Variants in GPR158 observed in about 807,000 individuals in gnomAD.
The protein encoded by GPR158 is G protein-coupled receptor 158.
Under a neutral mutation model 78.2 loss-of-function variants are expected in GPR158, and 30 were observed. The ratio of observed to expected loss-of-function variants is 0.38; its 90% CI spans 0.29 to 0.52. The LOEUF (loss-of-function observed/expected upper bound fraction) is 0.52, where lower values mean the gene tolerates loss of function less well. GPR158 is among the 20% of genes least tolerant of loss of function. The pLI, the probability that GPR158 is intolerant of heterozygous loss-of-function variation, is 0.83. For synonymous variants in GPR158, 581 were observed against 591.1 expected (o/e 0.98, Z 0.25); for missense variants, 1,463 against 1,523.5 (o/e 0.96, Z 0.66).
chr10:25,381,789 AAAC>A (rs1479316924), intron 2 of GPR158, among the ~76,000 whole-genome samples: 9 of 152,182 alleles, frequency 5.9e-5, no homozygotes, highest in African/African-American at 1.7e-4. Context: ...TTTTTATTTT[AAAC>A]AACAATTTAT....
At position 25,598,293 on chromosome 10, in the gene GPR158, G is replaced by A. The variant is rs780025388; in HGVS notation, c.2667G>A (p.Lys889=). Residue 889 remains lysine (K), a synonymous_variant, in exon 11 of 11, where the codon AAG becomes AAA. Transcript: ENST00000376351. ...SASAHNLSSE[K]KTGHPRTSML... is the part of the protein sequence containing the mutation. ...GCGCTCACAACCTCAGCTCAGAGAA[G>A]AAAACTGGGCACCCACGAACATCGA... 1 of 1,614,092 alleles carries A rather than the reference G, an allele frequency of 6.2e-7. No individual in the cohort carries two copies. The highest frequency in any genetic ancestry group is 2.2e-5 in the East Asian group (1 of 44,866).
chr10:25,374,034 T>C (rs754025000), intron 2 of GPR158, among the ~76,000 whole-genome samples: 177 of 151,888 alleles, frequency 1.2e-3, no homozygotes, highest in Non-Finnish European at 1.7e-3. Flanking sequence ...AATCCCATAC[T>C]ATAATTGTGG....
rs989431134 is a variant in GPR158 at position 25,207,433 on chromosome 10, A to AT, written c.903-13614dup. 6.4e-4 allele frequency among the ~76,000 whole-genome samples: 98 copies of AT among 152,174 alleles called. No individual in the cohort carries two copies. The Middle Eastern group carries it at 0.014, about 21-fold the overall frequency. On this transcript the variant is annotated intron_variant, in intron 1 of 10. Transcript: ENST00000376351. ...AAGGGACTAGTTTTTGAGGAAGACA[A>AT]TTTTTCCATCGATGGTGGGGAAGGG...
intron 4 of GPR158, among the ~76,000 whole-genome samples, chr10:25,454,826 T>C (rs1365398053): frequency 2.6e-5 from 4 of 152,204 alleles, no homozygotes; most frequent in African/African-American, 9.7e-5. Flanking sequence ...ACTTATTCTC[T>C]AAATCATAGA....
intron 1 of GPR158, among the ~76,000 whole-genome samples, chr10:25,179,699 T>C (rs1852590261): frequency 6.6e-6 from 1 of 152,190 alleles, no homozygotes; most frequent in African/African-American, 2.4e-5. Flanking sequence ...TATTGCTCAT[T>C]TTTTGTCTTT....
chr10:25,590,066 A>G (rs1393700476), intron 8 of GPR158, among the ~76,000 whole-genome samples: 5 of 152,114 alleles, frequency 3.3e-5, no homozygotes, highest in Non-Finnish European at 7.3e-5. Flanking sequence ...GAGATCAGTG[A>G]GAATGGAAGA....
At chr10:25,428,469 C>T (rs1377324043) in intron 4 of GPR158, among the ~76,000 whole-genome samples, 3 of 151,920 alleles carry the variant, frequency 2.0e-5, no homozygotes, top group East Asian at 1.9e-4. Flanking sequence ...TAAGTGTAAT[C>T]GGATCCAGAG....
chr10:25,420,565 T>C (rs1220939973), intron 4 of GPR158, among the ~76,000 whole-genome samples: 1 of 152,222 alleles, frequency 6.6e-6, no homozygotes, highest in East Asian at 1.9e-4. Context: ...GCTTTTCCTC[T>C]ATGTTTTCTT....
In GPR158 at chr10:25,351,439, T is replaced by C. The variant is rs1760715; in HGVS notation, c.1009-44472T>C. Among the ~76,000 whole-genome samples, 45 of 148,318 alleles carry C rather than the reference T, an allele frequency of 3.0e-4. 1 individual carries two copies. Among genetic ancestry groups the C allele is most frequent in the African/African-American group, 1.0e-3 (40 of 39,932 alleles). On this transcript the variant is annotated intron_variant, in intron 2 of 10. Coordinates refer to ENST00000376351, the MANE Select transcript of GPR158 (RefSeq NM_020752.3). Reference sequence around the variant, plus strand: ...GGAACTGGAGTTGGGGGTGGGGGGGTGCTGGAAATGCCTATCCTGGGATAT... The same window carrying C: ...GGAACTGGAGTTGGGGGTGGGGGGGCGCTGGAAATGCCTATCCTGGGATAT...
intron 1 of GPR158, among the ~76,000 whole-genome samples, chr10:25,179,258 T>C (rs1035287004): frequency 3.3e-5 from 5 of 152,218 alleles, no homozygotes; most frequent in Non-Finnish European, 7.3e-5. Context: ...GAATTTTTGG[T>C]AAACCAGATT....
At chr10:25,442,643 CTCAGGGAATGCCACCACCATATA>C (rs993979614) in intron 4 of GPR158, among the ~76,000 whole-genome samples, 1 of 152,144 alleles carries the variant, frequency 6.6e-6, no homozygotes, top group Admixed American at 6.5e-5. Context: ...TCTTCCCTGT[CTCAGGGAATGCCACCACCATATA>C]TCAGAGAGCC....
chr10:25,548,791 TTTC>T (rs1490359684), intron 5 of GPR158, among the ~76,000 whole-genome samples: 2 of 152,184 alleles, frequency 1.3e-5, no homozygotes, highest in African/African-American at 4.8e-5. Context: ...TAGAATTTCA[TTTC>T]TTATTATTTT....
chr10:25,452,018 T>TTTGGC (rs151266593), intron 4 of GPR158, among the ~76,000 whole-genome samples: 12 of 71,338 alleles, frequency 1.7e-4, no homozygotes, highest in Non-Finnish European at 4.8e-4. Context: ...TTTGTTTTGT[T>TTTGGC]TTGGTTTGGT....
At chr10:25,499,104 T>C (rs1429385766) in intron 5 of GPR158, among the ~76,000 whole-genome samples, 1 of 152,214 alleles carries the variant, frequency 6.6e-6, no homozygotes, top group East Asian at 1.9e-4. Flanking sequence ...GCCAGAAGAT[T>C]GTCATAGCAG....
intron 5 of GPR158, among the ~76,000 whole-genome samples, chr10:25,496,166 A>G (rs1430981631): frequency 6.6e-6 from 1 of 152,142 alleles, no homozygotes; most frequent in Non-Finnish European, 1.5e-5. Flanking sequence ...CGCTCCCCCA[A>G]CCATGTGAAC....
intron 5 of GPR158, among the ~76,000 whole-genome samples, chr10:25,540,873 A>G (rs1055932979): frequency 5.3e-5 from 8 of 151,428 alleles, no homozygotes; most frequent in African/African-American, 1.9e-4. Flanking sequence ...GCACACCAAC[A>G]TGGCACATGT....
At chr10:25,417,460 C>G (rs1229317357) in intron 4 of GPR158, among the ~76,000 whole-genome samples, 2 of 152,118 alleles carry the variant, frequency 1.3e-5, no homozygotes, top group African/African-American at 4.8e-5. Context: ...ATCCTCAGAA[C>G]CATTCTTAGG....
chr10:25,469,833 C>A lies in GPR158; in HGVS notation c.1404+3114C>A, dbSNP rs184399177. ...AAGATGCAGCAAGAATCTAATGAGCCCCCCCCAACATTCACTGCTACCACC... is the reference window on the plus strand; with the variant it reads ...AAGATGCAGCAAGAATCTAATGAGCACCCCCCAACATTCACTGCTACCACC... On this transcript the variant is annotated intron_variant, in intron 5 of 10. Transcript: ENST00000376351. 4.8e-4 allele frequency among the ~76,000 whole-genome samples: 72 copies of A among 150,944 alleles called. 1 individual carries two copies. Among genetic ancestry groups the A allele is most frequent in the African/African-American group, 1.2e-3 (51 of 41,104 alleles).
intron 2 of GPR158, among the ~76,000 whole-genome samples, chr10:25,306,143 T>G (rs1034250332): frequency 7.2e-5 from 11 of 152,174 alleles, no homozygotes; most frequent in African/African-American, 2.4e-4. Flanking sequence ...ATCTGTTATC[T>G]CTCTACCATT....
Sources: allele counts gnomAD v4.1 joint callset (sites outside exome capture counted in the v4.1 genomes callset), GRCh38; gene constraint gnomAD v4.1.1; transcripts MANE v1.5; gene names NCBI Gene and HGNC (gene_info 2026-07-23, HGNC 2026-07-21).